Variants in FBXO34 observed in about 807,000 individuals in gnomAD.
FBXO34 encodes F-box only protein 34.
A neutral mutation model predicts 24.5 loss-of-function variants in FBXO34; 12 were observed. That is an observed-to-expected ratio of 0.49 (90% CI 0.31 to 0.79). FBXO34 has a LOEUF of 0.79. Among genes scored for constraint, FBXO34 ranks in the 30% least tolerant of loss-of-function variants. FBXO34 has a pLI of 0.04. For missense variants in FBXO34, 823 were observed against 857.7 expected (o/e 0.96, Z 0.51); for synonymous variants, 320 against 311.9 (o/e 1.03, Z -0.27).
chr14:55,439,614 A>ACCCCC, the FBXO34 span, among the ~76,000 whole-genome samples: 26 of 84,590 alleles, frequency 3.1e-4, 1 homozygote, highest in African/African-American at 9.9e-4. Context: ...AGAAAAGCAA[A>ACCCCC]CCCCCCCCCG....
chr14:55,296,427 G>A (rs147247088), intron 1 of FBXO34, among the ~76,000 whole-genome samples: 1,450 of 115,782 alleles, frequency 0.013, 12 homozygotes, highest in Middle Eastern at 0.051. Context: ...AGACAGTCTC[G>A]CTCTGTCGCC....
chr14:55,414,055 G>A, the FBXO34 span: 4 of 550,726 alleles, frequency 7.3e-6, no homozygotes, highest in Admixed American at 1.9e-5. Context: ...CTTTGTGTTC[G>A]TCATTTTGGC....
chr14:55,327,907 GGTT>G (rs1566557729), intron 1 of FBXO34, among the ~76,000 whole-genome samples: 30 of 73,872 alleles, frequency 4.1e-4, no homozygotes, highest in African/African-American at 1.5e-3. Context: ...TGTTGTTGTT[GGTT>G]TTTTTTTTTT....
the FBXO34 span, among the ~76,000 whole-genome samples, chr14:55,400,259 G>A: frequency 6.6e-6 from 1 of 151,926 alleles, no homozygotes; most frequent in Admixed American, 6.5e-5. Context: ...GCTTCCAAGA[G>A]GTGAAAAATA....
At chr14:55,441,815 G>A in the FBXO34 span, among the ~76,000 whole-genome samples, 1 of 151,890 alleles carries the variant, frequency 6.6e-6, no homozygotes, top group African/African-American at 2.4e-5. Context: ...TGTCACCCAG[G>A]CTGGAGTGCA....
At chr14:55,298,315 CCCCTGGTGTAGTGGTTCCT>C (rs1389817518) in intron 1 of FBXO34, among the ~76,000 whole-genome samples, 1 of 151,974 alleles carries the variant, frequency 6.6e-6, no homozygotes, top group Non-Finnish European at 1.5e-5. Flanking sequence ...AGATTGGACA[CCCCTGGTGTAGTGGTTCCT>C]CCCACTTCTC....
the FBXO34 span, chr14:55,397,412 A>G: frequency 0.31 from 494,928 of 1,607,076 alleles, 80,423 homozygotes; most frequent in Non-Finnish European, 0.33. Context: ...AGTCGGCTTA[A>G]CCTTTCCTTC....
intron 1 of FBXO34, among the ~76,000 whole-genome samples, chr14:55,329,874 C>T (rs1037508363): frequency 6.6e-6 from 1 of 151,816 alleles, no homozygotes; most frequent in Non-Finnish European, 1.5e-5. Flanking sequence ...TTTTGACTAG[C>T]GTTTTTACAT....
At chr14:55,442,105 A>G in the FBXO34 span, among the ~76,000 whole-genome samples, 2 of 150,896 alleles carry the variant, frequency 1.3e-5, no homozygotes, top group Non-Finnish European at 3.0e-5. Context: ...AAATGTACAG[A>G]TTCCCGGGTG....
chr14:55,369,844 C>G (rs140154277), downstream of FBXO34: 10 of 1,614,208 alleles, frequency 6.2e-6, no homozygotes, highest in African/African-American at 2.7e-5. Flanking sequence ...CATCTCCGCT[C>G]TCATCTGATT....
chr14:55,321,847 T>G (rs1312910915), intron 1 of FBXO34, among the ~76,000 whole-genome samples: 1 of 152,248 alleles, frequency 6.6e-6, no homozygotes, highest in African/African-American at 2.4e-5. Flanking sequence ...TCAAAAATAC[T>G]CATCTTTAGT....
chr14:55,364,946 A>G (rs1413554788), downstream of FBXO34, among the ~76,000 whole-genome samples: 1 of 151,336 alleles, frequency 6.6e-6, no homozygotes, highest in African/African-American at 2.4e-5. Flanking sequence ...GGCTGGGCGC[A>G]GTGGCTCACG....
intron 1 of FBXO34, among the ~76,000 whole-genome samples, chr14:55,339,846 C>CTTCA (rs1282170127): frequency 3.3e-5 from 5 of 152,126 alleles, no homozygotes; most frequent in African/African-American, 1.2e-4. Context: ...CATACTGCTA[C>CTTCA]TTCAGTCTTG....
Position 55,323,249 on chromosome 14 carries a change from A to T in FBXO34, c.-10-27132A>T, listed in dbSNP as rs1382016397. ...TATTTTTTTTTTTTTTTTTTTTTTTAGAGACAGAGTCTCACTTATGTTGCC... is the reference window on the plus strand; with the variant it reads ...TATTTTTTTTTTTTTTTTTTTTTTTTGAGACAGAGTCTCACTTATGTTGCC... On this transcript the variant is annotated intron_variant, in intron 1 of 1. Coordinates refer to ENST00000313833, the MANE Select transcript of FBXO34 (RefSeq NM_017943.4). 1.5e-3 allele frequency among the ~76,000 whole-genome samples: 115 copies of T among 78,762 alleles called. 1 individual carries two copies. Among genetic ancestry groups the T allele is most frequent in the African/African-American group, 6.8e-3 (108 of 15,982 alleles). 51.7% of individuals were successfully genotyped at this position (78,762 alleles called of 152,430 possible).
chr14:55,345,086 C>T (rs1005900240), intron 1 of FBXO34, among the ~76,000 whole-genome samples: 9 of 152,028 alleles, frequency 5.9e-5, no homozygotes, highest in African/African-American at 2.2e-4. Context: ...TACCTGAGTC[C>T]AGGAGTTCAG....
intron 1 of FBXO34, among the ~76,000 whole-genome samples, chr14:55,315,258 C>T (rs917961629): frequency 1.3e-5 from 2 of 152,152 alleles, no homozygotes; most frequent in Admixed American, 1.3e-4. Flanking sequence ...TAACTTCTCA[C>T]TAATTTATTT....
At chr14:55,396,585 G>C in the FBXO34 span, among the ~76,000 whole-genome samples, 7 of 152,154 alleles carry the variant, frequency 4.6e-5, no homozygotes, top group Non-Finnish European at 8.8e-5. Context: ...GGGGGTGTGA[G>C]ACATCCACGT....
chr14:55,309,229 A>G (rs1476088571), intron 1 of FBXO34, among the ~76,000 whole-genome samples: 1 of 152,182 alleles, frequency 6.6e-6, no homozygotes, highest in East Asian at 1.9e-4. Context: ...AAAGTTAAAT[A>G]TTCCTATGAA....
intron 1 of FBXO34, among the ~76,000 whole-genome samples, chr14:55,345,726 G>C (rs918557038): frequency 6.6e-6 from 1 of 152,228 alleles, no homozygotes; most frequent in Non-Finnish European, 1.5e-5. Context: ...GTAGGGCTGG[G>C]TGTGGTGGCT....
Sources: allele counts gnomAD v4.1 joint callset (sites outside exome capture counted in the v4.1 genomes callset), GRCh38; gene constraint gnomAD v4.1.1; transcripts MANE v1.5; gene names NCBI Gene and HGNC (gene_info 2026-07-23, HGNC 2026-07-21).